The following ERAP1 variants were observed in gnomAD, a reference collection of about 807,000 sequenced individuals.
ERAP1 encodes adipocyte-derived leucine aminopeptidase.
Under a neutral mutation model 103.7 loss-of-function variants are expected in ERAP1, and 86 were observed. That is an observed-to-expected ratio of 0.83 (90% confidence interval 0.70 to 0.99). ERAP1 has a LOEUF of 0.99. Ranked by LOEUF, ERAP1 falls within the 50% of genes least tolerant of loss-of-function variation. ERAP1 has a pLI of 0.00. For missense variants in ERAP1, 1,009 were observed against 1,128.4 expected (o/e 0.89, Z 1.52); for synonymous variants, 398 against 402.4 (o/e 0.99, Z 0.13).
Position 96,790,340 on chromosome 5 carries a change from T to G in ERAP1, c.1480A>C (p.Met494Leu). 6.2e-7 allele frequency: 1 copy of G among 1,614,070 alleles called. No homozygotes were observed. Among genetic ancestry groups the G allele is most frequent in the Non-Finnish European group, 8.5e-7 (1 of 1,179,970 alleles). Residue 494 changes from methionine to leucine, a missense_variant, in exon 10 of 19, where the codon ATG (methionine) becomes CTG (leucine). Met to Leu is a conservative substitution (Grantham distance 15, BLOSUM62 2). Coordinates refer to ENST00000443439, the MANE Select transcript of ERAP1 (RefSeq NM_001040458.3). ...SICPTDGVKG[M>L]DGFCSRSQHS... Reference sequence around the variant, plus strand: ...TGACTTCTAGAGCAAAAGCCATCCATCCCTTTTACACCATCTGTAGGGCAA... The same window carrying G: ...TGACTTCTAGAGCAAAAGCCATCCAGCCCTTTTACACCATCTGTAGGGCAA...
intron 4 of ERAP1, among the ~76,000 whole-genome samples, chr5:96,796,674 T>C (rs1358907842): frequency 6.6e-6 from 1 of 152,212 alleles, no homozygotes; most frequent in Non-Finnish European, 1.5e-5. Flanking sequence ...TCCACGTTGT[T>C]GTTATTAGAA....
chr5:96,825,872 T>G, the ERAP1 span, among the ~76,000 whole-genome samples: 2 of 152,102 alleles, frequency 1.3e-5, no homozygotes, highest in African/African-American at 4.8e-5. Context: ...AAAAAAAACT[T>G]GAGTTGGAGA....
chr5:96,786,411 A>C (rs1776005604), intron 12 of ERAP1, 59 bp downstream of exon 12: 1 of 1,158,058 alleles, frequency 8.6e-7, no homozygotes, highest in Non-Finnish European at 1.3e-6. Flanking sequence ...ACAGCACTTT[A>C]ATCCTACACA....
the ERAP1 span, chr5:96,908,960 G>T: frequency 1.9e-6 from 3 of 1,613,760 alleles, no homozygotes. Flanking sequence ...TTATACTTCA[G>T]TGCAGGGAGA....
the ERAP1 span, among the ~76,000 whole-genome samples, chr5:96,911,861 T>G: frequency 6.0e-5 from 2 of 33,572 alleles, no homozygotes; most frequent in South Asian, 1.1e-3. Context: ...AGTAAGACCC[T>G]GTCTCAAAAA....
At chr5:96,873,939 TG>T in the ERAP1 span, among the ~76,000 whole-genome samples, 6 of 151,936 alleles carry the variant, frequency 3.9e-5, no homozygotes, top group Non-Finnish European at 8.8e-5. Flanking sequence ...GCCTTGGTGA[TG>T]GTGGATTTAG....
At chr5:96,894,482 A>G in the ERAP1 span, among the ~76,000 whole-genome samples, 1 of 150,890 alleles carries the variant, frequency 6.6e-6, no homozygotes, top group South Asian at 2.1e-4. Flanking sequence ...CCGTCTAGAG[A>G]TTTTAATCTT....
At chr5:96,830,772 G>A in the ERAP1 span, among the ~76,000 whole-genome samples, 2 of 152,176 alleles carry the variant, frequency 1.3e-5, no homozygotes, top group Non-Finnish European at 2.9e-5. Context: ...GATTGCCTCT[G>A]GAGAGGAAGG....
At chr5:96,819,167 G>A in the ERAP1 span, among the ~76,000 whole-genome samples, 16 of 151,898 alleles carry the variant, frequency 1.1e-4, no homozygotes, top group South Asian at 4.2e-4. Flanking sequence ...CTCGTGATCT[G>A]CCCGCCTCGG....
At chr5:96,896,123 GC>G in the ERAP1 span, among the ~76,000 whole-genome samples, 1 of 152,046 alleles carries the variant, frequency 6.6e-6, no homozygotes, top group African/African-American at 2.4e-5. Context: ...GTATTCAAGG[GC>G]TGGTACATGA....
chr5:96,893,957 T>C, the ERAP1 span, among the ~76,000 whole-genome samples: 1 of 152,170 alleles, frequency 6.6e-6, no homozygotes, highest in African/African-American at 2.4e-5. Flanking sequence ...CATACCTGAG[T>C]ACTATTTACA....
chr5:96,896,997 A>G, the ERAP1 span: 1 of 245,198 alleles, frequency 4.1e-6, no homozygotes, highest in Non-Finnish European at 5.6e-6. Context: ...CATGGTCTAT[A>G]GAAGGCAGCA....
the ERAP1 span, chr5:96,915,784 G>C: frequency 6.4e-7 from 1 of 1,570,314 alleles, no homozygotes; most frequent in Non-Finnish European, 8.7e-7. Flanking sequence ...GTGACTTTCT[G>C]TTTTTAACAA....
chr5:96,816,502 G>A, the ERAP1 span, among the ~76,000 whole-genome samples: 82 of 152,190 alleles, frequency 5.4e-4, no homozygotes, highest in South Asian at 5.6e-3. Flanking sequence ...CAGCAGGGAC[G>A]GTCTCAACTT....
chr5:96,889,423 G>GA, the ERAP1 span: 1 of 1,172,856 alleles, frequency 8.5e-7, no homozygotes, highest in Non-Finnish European at 1.3e-6. Context: ...GTTAGCTCAG[G>GA]AAAAAATAAT....
the ERAP1 span, among the ~76,000 whole-genome samples, chr5:96,829,079 C>A: frequency 8.5e-5 from 13 of 152,168 alleles, no homozygotes; most frequent in African/African-American, 3.1e-4. Context: ...ATCTCCTGAC[C>A]TTGTGATCCG....
chr5:96,900,124 T>G, the ERAP1 span: 5 of 1,613,884 alleles, frequency 3.1e-6, no homozygotes, highest in Non-Finnish European at 4.2e-6. Flanking sequence ...TTTGTAGAGT[T>G]GTTTAGAAAG....
At chr5:96,915,663 C>T in the ERAP1 span, 26 of 1,438,208 alleles carry the variant, frequency 1.8e-5, 1 homozygote, top group East Asian at 6.1e-4. Flanking sequence ...CTATGACTTT[C>T]TATGGTGTTT....
chr5:96,772,254 C>T (rs1214720887), downstream of ERAP1: 1 of 153,636 alleles, frequency 6.5e-6, no homozygotes, highest in Non-Finnish European at 1.5e-5. Flanking sequence ...AGAAACTGGA[C>T]AGATTGAAGG....
Sources: gnomAD v4.1 joint callset for allele counts (sites outside exome capture counted in the v4.1 genomes callset) on GRCh38, gnomAD v4.1.1 for gene constraint, MANE v1.5 for transcripts, NCBI Gene and HGNC (gene_info 2026-07-23, HGNC 2026-07-21) for gene names.